Variants in FBLN7 observed in about 807,000 individuals in gnomAD.
FBLN7 encodes the protein fibulin 7, also known as fibulin-7.
FBLN7 carries 31 observed loss-of-function variants against 44.0 expected under a neutral mutation model. The observed-to-expected ratio is 0.70, with a 90% CI of 0.53 to 0.95. The LOEUF (loss-of-function observed/expected upper bound fraction) is 0.95. Among genes scored for constraint, FBLN7 ranks in the 40% least tolerant of loss-of-function variants. The pLI is 0.00. For synonymous variants in FBLN7, 262 were observed against 253.4 expected, an observed-to-expected ratio of 1.03 and a Z score of -0.32; for missense variants, 573 against 618.5, an observed-to-expected ratio of 0.93 and a Z score of 0.78.
chr2:112,191,499 C>A, downstream of FBLN7, among the ~76,000 whole-genome samples: 1 of 152,116 alleles, frequency 6.6e-6, no homozygotes, highest in East Asian at 1.9e-4. Flanking sequence ...AACATAGCTT[C>A]ATTGATCCTC....
rs1573841915 is a variant in FBLN7 at position 112,187,214 on chromosome 2, C to G, written c.1028C>G (p.Ser343Cys). Residue 343 changes from serine to cysteine, a missense_variant, in exon 8 of 8, where the codon TCT becomes TGT. Ser to Cys is a moderately radical substitution (Grantham distance 112). Coordinates refer to ENST00000331203, the MANE Select transcript of FBLN7 (RefSeq NM_153214.3). This position sits in a 1 kb window ranked among gnomAD's most constrained non-coding sequence, Gnocchi z 5.1. ...AAGACCATCTCCTTCCATTACCTCT[C>G]TCTGCCTTCCAACCTGAAGACGCCC... is the stretch of plus-strand genomic sequence containing the variant. ...LPKTISFHYLSLPSNLKTPIT... is the reference protein window; with the variant it reads ...LPKTISFHYLCLPSNLKTPIT... 1 of 1,614,188 alleles carries G rather than the reference C, an allele frequency of 6.2e-7. No homozygotes were observed.
At position 112,160,676 on chromosome 2, in the gene FBLN7, G is replaced by GCA. The variant is rs1323642810; in HGVS notation, c.235+842_235+843dup. Among the ~76,000 whole-genome samples the GCA allele has an allele frequency of 8.3e-3, 1,016 of 122,972 alleles. 352 individuals carry two copies. The highest frequency in any genetic ancestry group is 0.011 in the Non-Finnish European group (613 of 58,112). The allele number at this position is 122,972 out of a possible 152,430, so 80.7% of individuals were successfully genotyped here. A position where few individuals can be genotyped will look rare whatever the true frequency, so the allele number is the denominator to read the frequency against. ...CGCACACGCGCACGCACACGCACAC[G>GCA]CAGACGCACGCACACGCACACACGC... is the stretch of plus-strand genomic sequence containing the variant. On this transcript the variant is annotated intron_variant, in intron 2 of 7. Coordinates refer to ENST00000331203, the MANE Select transcript of FBLN7 (RefSeq NM_153214.3).
At chr2:112,171,962 T>G (rs189613373) in intron 3 of FBLN7, among the ~76,000 whole-genome samples, 3 of 152,304 alleles carry the variant, frequency 2.0e-5, no homozygotes, top group African/African-American at 7.2e-5. Context: ...TTAGCCAGGA[T>G]GGTCTCGATC....
chr2:112,229,566 G>A, the FBLN7 span, among the ~76,000 whole-genome samples: 5 of 152,298 alleles, frequency 3.3e-5, no homozygotes, highest in East Asian at 9.7e-4. Context: ...CTGGTCCCAG[G>A]AGAGTTAGAT....
At chr2:112,176,025 C>A in intron 4 of FBLN7, 186 bp downstream of exon 4, 1 of 574,876 alleles carries the variant, frequency 1.7e-6, no homozygotes, top group Non-Finnish European at 2.8e-6. Context: ...CAGAGCTTAG[C>A]TCTTTGATGC....
intron 2 of FBLN7, among the ~76,000 whole-genome samples, chr2:112,163,128 G>A (rs999972244): frequency 2.6e-5 from 4 of 152,122 alleles, no homozygotes; most frequent in South Asian, 2.1e-4. Context: ...CGGAGGGTCC[G>A]GCACCTCCCT....
Position 112,140,507 on chromosome 2 carries a change from A to G in FBLN7, c.75+1777A>G, listed in dbSNP as rs374330846. 1.8e-4 allele frequency among the ~76,000 whole-genome samples: 27 copies of G among 152,264 alleles called. No individual in the cohort carries two copies. The South Asian group carries it at 4.8e-3, about 27-fold the overall frequency. ...CAGGGTCCCCCACCTGTCACCTCAGATGCATCGCTGGCCGGGCCCCTGGGA... is the reference window on the plus strand; with the variant it reads ...CAGGGTCCCCCACCTGTCACCTCAGGTGCATCGCTGGCCGGGCCCCTGGGA... On this transcript the variant is annotated intron_variant, in intron 1 of 7. Transcript: ENST00000331203.
chr2:112,242,894 C>A, the FBLN7 span, among the ~76,000 whole-genome samples: 2 of 152,188 alleles, frequency 1.3e-5, no homozygotes, highest in African/African-American at 4.8e-5. Flanking sequence ...AAGTAAGTTT[C>A]ATTTGTAGCC....
chr2:112,187,413 G>A lies in FBLN7; in HGVS notation c.1227G>A (p.Glu409=), dbSNP rs1444353953. ...ACCTGGAGGGGCCTCAGACGCTGGA[G>A]GTGGACGTCGACATGTCGGAATACC... ...VQNLEGPQTL[E]VDVDMSEYLD... Residue 409 remains glutamate (E), a synonymous_variant, in exon 8 of 8, where the codon GAG becomes GAA. Transcript: ENST00000331203. This position sits in a 1 kb window ranked among gnomAD's most constrained non-coding sequence, Gnocchi z 5.1. The A allele has an allele frequency of 6.2e-7, 1 of 1,614,194 alleles. No individual in the cohort carries two copies. The highest frequency in any genetic ancestry group is 1.1e-5 in the South Asian group (1 of 91,086).
the FBLN7 span, among the ~76,000 whole-genome samples, chr2:112,223,617 T>G: frequency 6.6e-6 from 1 of 152,014 alleles, no homozygotes; most frequent in South Asian, 2.1e-4. Flanking sequence ...TTAAGAAAAA[T>G]GTATAGGTTT....
chr2:112,231,745 G>T, the FBLN7 span: 1 of 636,194 alleles, frequency 1.6e-6, no homozygotes, highest in Non-Finnish European at 2.5e-6. Flanking sequence ...AACCTAAGAG[G>T]CACTCTCCTT....
the FBLN7 span, among the ~76,000 whole-genome samples, chr2:112,242,511 A>G: frequency 6.6e-6 from 1 of 152,170 alleles, no homozygotes; most frequent in African/African-American, 2.4e-5. Flanking sequence ...TTCATTGAGT[A>G]CCTCATGCTA....
chr2:112,187,349 G>A lies in FBLN7; in HGVS notation c.1163G>A (p.Arg388His), dbSNP rs778318785. The A allele has an allele frequency of 4.7e-5, 76 of 1,614,072 alleles. No homozygotes were observed. The highest frequency in any genetic ancestry group is 3.6e-5 in the Non-Finnish European group (43 of 1,180,060). Reference sequence around the variant, plus strand: ...AGCCGCGGCCACTTTGTGATGCAGCGTTCAGACCGGCAGACTGGGGATCTG... The same window carrying A: ...AGCCGCGGCCACTTTGTGATGCAGCATTCAGACCGGCAGACTGGGGATCTG... ...GNSRGHFVMQ[R>H]SDRQTGDLIL... The change falls in exon 8 of 8, where the codon CGT becomes CAT. Residue 388 changes from arginine to histidine, a missense_variant. Arg to His is a conservative substitution (Grantham distance 29, BLOSUM62 0). Transcript: ENST00000331203. The surrounding 1 kb of genome is among the most constrained non-coding windows in gnomAD (Gnocchi z 5.1).
At chr2:112,151,227 G>T (rs981171454) in intron 1 of FBLN7, 2 of 152,258 alleles carry the variant, frequency 1.3e-5, no homozygotes, top group African/African-American at 4.8e-5. Context: ...GTGTGCCTGA[G>T]TACATTGTCA....
intron 4 of FBLN7, 105 bp downstream of exon 4, chr2:112,175,944 C>T (rs12711735): frequency 0.14 from 196,969 of 1,388,132 alleles, 15,441 homozygotes; most frequent in East Asian, 0.36. Flanking sequence ...CAGTCCCCCA[C>T]TCAAAGATGT....
At chr2:112,161,778 T>C (rs1250614392) in intron 2 of FBLN7, among the ~76,000 whole-genome samples, 1 of 152,264 alleles carries the variant, frequency 6.6e-6, no homozygotes, top group Admixed American at 6.5e-5. Context: ...CTCTGAAATG[T>C]ACAACATTTT....
At chr2:112,191,103 A>G (rs1365501459), downstream of FBLN7, among the ~76,000 whole-genome samples, 1 of 152,124 alleles carries the variant, frequency 6.6e-6, no homozygotes, top group African/African-American at 2.4e-5. Flanking sequence ...TCAGCCTCTG[A>G]GTAGCTGGGA....
the FBLN7 span, among the ~76,000 whole-genome samples, chr2:112,231,347 G>C: frequency 6.6e-6 from 1 of 152,114 alleles, no homozygotes; most frequent in Non-Finnish European, 1.5e-5. Context: ...TAAGAGACTA[G>C]CTCCAACTAA....
rs1681624852 is a variant in FBLN7 at position 112,159,707 on chromosome 2, C to T, written c.107C>T (p.Ala36Val). 1.9e-6 allele frequency: 3 copies of T among 1,577,928 alleles called. No homozygotes were observed. Among genetic ancestry groups the T allele is most frequent in the Middle Eastern group, 1.7e-4 (1 of 5,952 alleles). The change falls in exon 2 of 8, where the codon GCC becomes GTC. Residue 36 changes from alanine (A) to valine (V), a missense_variant. Ala to Val is a moderately conservative substitution (Grantham distance 64, BLOSUM62 0). Transcript: ENST00000331203. Reference sequence around the variant, plus strand: ...CTCAGCAAACAGCAGCTCCTCTCGGCCATCCGCCAGCTGCAGCAGCTGCTG... The same window carrying T: ...CTCAGCAAACAGCAGCTCCTCTCGGTCATCCGCCAGCTGCAGCAGCTGCTG... ...NCLSKQQLLS[A>V]IRQLQQLLKG...
Sources: gnomAD v4.1 joint callset for allele counts (sites outside exome capture counted in the v4.1 genomes callset) on GRCh38, gnomAD v4.1.1 for gene constraint, Gnocchi (gnomAD v3.1) non-coding constraint, MANE v1.5 for transcripts, NCBI Gene and HGNC (gene_info 2026-07-23, HGNC 2026-07-21) for gene names.